The following CCDC3 variants were observed in gnomAD, a reference collection of about 807,000 sequenced individuals.
CCDC3 encodes coiled-coil domain containing 3.
CCDC3 carries 24 observed loss-of-function variants against 21.4 expected under a neutral mutation model. The observed-to-expected ratio is 1.12, with a 90% CI of 0.81 to 1.58. The LOEUF (loss-of-function observed/expected upper bound fraction) is 1.58. Ranked by LOEUF, CCDC3 falls within the 40% of genes most tolerant of loss-of-function variation. The probability of loss-of-function intolerance (pLI) is 0.00; values close to 1 mark genes in which losing one functional copy is unlikely to be tolerated. For synonymous variants in CCDC3, 186 were observed against 166.0 expected (o/e 1.12, Z -0.93); for missense variants, 425 against 360.9 (o/e 1.18, Z -1.44).
chr10:12,938,433 C>T (rs1757050), intron 2 of CCDC3, among the ~76,000 whole-genome samples: 149,765 of 152,338 alleles, frequency 0.98, 73,673 homozygotes, highest in East Asian at 1. Flanking sequence ...CCCACTGCTA[C>T]GTCATCAGCT....
At chr10:12,961,157 A>C (rs560888153) in intron 2 of CCDC3, among the ~76,000 whole-genome samples, 45 of 152,258 alleles carry the variant, frequency 3.0e-4, no homozygotes, top group African/African-American at 9.1e-4. Flanking sequence ...CACAGACCTA[A>C]GTTCCGGCCC....
At position 12,935,850 on chromosome 10, in the gene CCDC3, G is replaced by GCTTCACAGGTTCAAA. The variant is rs1564290048; in HGVS notation, c.550-37172_550-37171insTTTGAACCTGTGAAG. 3.9e-5 allele frequency among the ~76,000 whole-genome samples: 6 copies of GCTTCACAGGTTCAAA among 152,182 alleles called. No individual in the cohort carries two copies. The East Asian group carries it at 1.2e-3, about 29-fold the overall frequency. On this transcript the variant is annotated intron_variant, in intron 2 of 2. Coordinates refer to ENST00000378825, the MANE Select transcript of CCDC3 (RefSeq NM_031455.4). ...CCGGCCAACCCAAGTACACTTTCAAGTAACACTACACTGCTTCACAGGTGG... is the reference window on the plus strand; with the variant it reads ...CCGGCCAACCCAAGTACACTTTCAAGCTTCACAGGTTCAAATAACACTACACTGCTTCACAGGTGG...
At chr10:13,077,147 G>A (rs900862316) in intron 3 of CCDC3, among the ~76,000 whole-genome samples, 6 of 152,164 alleles carry the variant, frequency 3.9e-5, no homozygotes, top group South Asian at 2.1e-4. Context: ...AAGCTGATAA[G>A]CAACTTCAGC....
chr10:13,070,855 G>C (rs536379109), intron 4 of CCDC3, among the ~76,000 whole-genome samples: 14 of 152,196 alleles, frequency 9.2e-5, no homozygotes, highest in Non-Finnish European at 1.9e-4. Context: ...GAAGACTAGA[G>C]AAAGAGAAAT....
At chr10:12,988,010 C>T (rs1019876286) in intron 2 of CCDC3, among the ~76,000 whole-genome samples, 2 of 152,146 alleles carry the variant, frequency 1.3e-5, no homozygotes, top group Non-Finnish European at 2.9e-5. Context: ...CCAGAGTGTT[C>T]CTTTTCTGAA....
intron 5 of CCDC3, among the ~76,000 whole-genome samples, chr10:13,019,445 C>A (rs10906283): frequency 0.068 from 10,419 of 152,200 alleles, 453 homozygotes; most frequent in Middle Eastern, 0.14. Flanking sequence ...GCGTTTCTCC[C>A]ACCACGTGGT....
intron 5 of CCDC3, among the ~76,000 whole-genome samples, chr10:13,044,659 G>T (rs1252681193): frequency 6.6e-6 from 1 of 152,144 alleles, no homozygotes; most frequent in African/African-American, 2.4e-5. Flanking sequence ...GGCTGCAGGT[G>T]TGTGGCCTTA....
intron 3 of CCDC3, among the ~76,000 whole-genome samples, chr10:13,080,423 G>T (rs951331939): frequency 1.1e-4 from 17 of 152,174 alleles, no homozygotes; most frequent in African/African-American, 4.1e-4. Flanking sequence ...TAATTTAAAA[G>T]TAATTAGGCC....
intron 2 of CCDC3, among the ~76,000 whole-genome samples, chr10:12,958,917 A>G (rs1207587692): frequency 3.3e-5 from 5 of 152,156 alleles, no homozygotes; most frequent in African/African-American, 1.2e-4. Context: ...CAGGGGAGAG[A>G]CGCAGTTCTA....
chr10:13,037,319 T>C (rs4409728), intron 5 of CCDC3, among the ~76,000 whole-genome samples: 38,231 of 152,102 alleles, frequency 0.25, 5,329 homozygotes, highest in East Asian at 0.48. Context: ...AAATACTTCA[T>C]TGGGTAATTA....
intron 2 of CCDC3, among the ~76,000 whole-genome samples, chr10:12,928,722 G>A (rs1226094643): frequency 6.6e-6 from 1 of 152,214 alleles, no homozygotes; most frequent in Non-Finnish European, 1.5e-5. Context: ...AGCCCCTGGT[G>A]GGGTAGGGTG....
intron 5 of CCDC3, among the ~76,000 whole-genome samples, chr10:13,044,325 GTT>G (rs1836497770): frequency 6.6e-6 from 1 of 152,192 alleles, no homozygotes; most frequent in Admixed American, 6.5e-5. Flanking sequence ...TATGTTAATA[GTT>G]TATTTGGCTT....
intron 2 of CCDC3, among the ~76,000 whole-genome samples, chr10:12,916,249 T>C (rs12241651): frequency 2.6e-5 from 4 of 151,996 alleles, no homozygotes; most frequent in African/African-American, 9.7e-5. Context: ...CTGGCCAACA[T>C]GGTGAAACCC....
intron 4 of CCDC3, among the ~76,000 whole-genome samples, chr10:13,054,867 A>G (rs1031354629): frequency 6.6e-5 from 10 of 152,308 alleles, no homozygotes; most frequent in African/African-American, 2.2e-4. Context: ...CGGTTTCACC[A>G]TGTTGGCCAG....
intron 3 of CCDC3, among the ~76,000 whole-genome samples, chr10:13,085,991 A>C (rs73573876): frequency 0.02 from 2,995 of 152,098 alleles, 97 homozygotes; most frequent in African/African-American, 0.067. Context: ...GAAAGAAAGA[A>C]ATTCAAGAGA....
rs201744593 is a variant in CCDC3 at position 12,965,717 on chromosome 10, A to G, written c.549+32621T>C. Among the ~76,000 whole-genome samples the G allele has an allele frequency of 4.6e-5, 7 of 152,262 alleles. No homozygotes were observed. The East Asian group carries it at 1.3e-3, about 29-fold the overall frequency. Reference sequence around the variant, plus strand: ...GTTGTTAATGCTTCTTTTCTCATGTAATCATGAGTCATTAACTTTTGGATG... The same window carrying G: ...GTTGTTAATGCTTCTTTTCTCATGTGATCATGAGTCATTAACTTTTGGATG... On this transcript the variant is annotated intron_variant, in intron 2 of 2. Transcript: ENST00000378825.
In CCDC3 at chr10:12,982,121, CAAAAAAAAAAAAAAA is replaced by C. The variant is rs71386135; in HGVS notation, c.549+16202_549+16216del. On this transcript the variant is annotated intron_variant, in intron 2 of 2. Coordinates refer to ENST00000378825, the MANE Select transcript of CCDC3 (RefSeq NM_031455.4). ...TGGGAGACAGAGAGAGACTCTGTCT[CAAAAAAAAAAAAAAA>C]AAAAAAAAAAAAAAAGTGAGCTACC... Among the ~76,000 whole-genome samples the C allele has an allele frequency of 9.7e-3, 324 of 33,288 alleles. 4 individuals carry two copies. Among genetic ancestry groups the C allele is most frequent in the African/African-American group, 0.04 (301 of 7,450 alleles). 21.8% of individuals were successfully genotyped at this position (33,288 alleles called of 152,430 possible). A position where few individuals can be genotyped will look rare whatever the true frequency, so the allele number is the denominator to read the frequency against.
intron 2 of CCDC3, among the ~76,000 whole-genome samples, chr10:12,947,090 T>G (rs1834926203): frequency 6.6e-6 from 1 of 152,124 alleles, no homozygotes; most frequent in South Asian, 2.1e-4. Flanking sequence ...TTTTTTGGAG[T>G]GCCTGATGTA....
chr10:13,080,056 G>C (rs886211997), intron 3 of CCDC3, among the ~76,000 whole-genome samples: 1 of 152,228 alleles, frequency 6.6e-6, no homozygotes, highest in Non-Finnish European at 1.5e-5. Context: ...CTGGCCCAGG[G>C]TTAACGACTC....
Sources: gnomAD v4.1 joint callset for allele counts (sites outside exome capture counted in the v4.1 genomes callset) on GRCh38, gnomAD v4.1.1 for gene constraint, MANE v1.5 for transcripts, NCBI Gene and HGNC (gene_info 2026-07-23, HGNC 2026-07-21) for gene names.